NPAS3: variants seen among roughly 807,000 people sequenced by gnomAD.
The protein encoded by NPAS3 is neuronal PAS domain-containing protein 3.
NPAS3 carries 14 observed loss-of-function variants against 73.1 expected under a neutral mutation model. That is an observed-to-expected ratio of 0.19 (90% CI 0.13 to 0.30). The LOEUF (loss-of-function observed/expected upper bound fraction) is 0.30, where lower values mean the gene tolerates loss of function less well. Among genes scored for constraint, NPAS3 ranks in the 10% least tolerant of loss-of-function variants. The pLI is 1.00. For synonymous variants in NPAS3, 620 were observed against 541.5 expected, an observed-to-expected ratio of 1.14 and a Z score of -2.01; for missense variants, 1,096 against 1,250.0, an observed-to-expected ratio of 0.88 and a Z score of 1.86.
chr14:33,218,618 T>C (rs778732331), intron 3 of NPAS3, among the ~76,000 whole-genome samples: 1 of 152,208 alleles, frequency 6.6e-6, no homozygotes, highest in African/African-American at 2.4e-5. Context: ...TTCATGCTTC[T>C]CCAAGCAATC....
chr14:33,773,176 C>T (rs571243236), intron 7 of NPAS3, among the ~76,000 whole-genome samples: 54 of 152,310 alleles, frequency 3.5e-4, no homozygotes, highest in African/African-American at 1.2e-3. Flanking sequence ...AGGCACGAGA[C>T]CTACTTCCCA....
intron 5 of NPAS3, among the ~76,000 whole-genome samples, chr14:33,563,137 C>T (rs2055735243): frequency 6.6e-6 from 1 of 152,212 alleles, no homozygotes; most frequent in Non-Finnish European, 1.5e-5. Context: ...CAGTTTGTTA[C>T]AGAGCATAGC....
chr14:33,405,166 GCTCTCTGT>G (rs2047611737), intron 4 of NPAS3, among the ~76,000 whole-genome samples: 1 of 152,026 alleles, frequency 6.6e-6, no homozygotes, highest in African/African-American at 2.4e-5. Flanking sequence ...TGTTGCTGCA[GCTCTCTGT>G]CTTAGTTATC....
chr14:33,529,601 T>C (rs746530411), intron 4 of NPAS3, among the ~76,000 whole-genome samples: 15 of 152,110 alleles, frequency 9.9e-5, no homozygotes, highest in Non-Finnish European at 2.2e-4. Context: ...ATGGGCATCC[T>C]AAAGAGACAA....
chr14:32,982,418 A>T (rs1318779592), intron 1 of NPAS3, among the ~76,000 whole-genome samples: 3 of 152,152 alleles, frequency 2.0e-5, no homozygotes, highest in African/African-American at 7.2e-5. Flanking sequence ...TATCCCTTAC[A>T]ATAGTATCTT....
At chr14:32,962,614 C>T (rs2036980470) in intron 1 of NPAS3, among the ~76,000 whole-genome samples, 1 of 139,426 alleles carries the variant, frequency 7.2e-6, no homozygotes, top group Non-Finnish European at 1.5e-5. Flanking sequence ...CTCTGTCACC[C>T]AGGCTGGAGT....
intron 5 of NPAS3, among the ~76,000 whole-genome samples, chr14:33,673,318 T>C (rs181953141): frequency 6.6e-6 from 1 of 152,330 alleles, no homozygotes; most frequent in East Asian, 1.9e-4. Context: ...TCAGGTTCTT[T>C]TGTAAACTGG....
chr14:33,779,377 C>T (rs1403757066), intron 9 of NPAS3, among the ~76,000 whole-genome samples: 2 of 152,182 alleles, frequency 1.3e-5, no homozygotes, highest in African/African-American at 2.4e-5. Flanking sequence ...TGGTGGCCCT[C>T]TTCTGACCAG....
At chr14:33,727,222 G>A (rs1472378287) in intron 6 of NPAS3, among the ~76,000 whole-genome samples, 2 of 151,960 alleles carry the variant, frequency 1.3e-5, no homozygotes, top group Non-Finnish European at 2.9e-5. Context: ...TGGCCGCAGA[G>A]AAGATTCATG....
At chr14:32,954,462 T>C (rs570628325) in intron 1 of NPAS3, among the ~76,000 whole-genome samples, 41 of 152,298 alleles carry the variant, frequency 2.7e-4, no homozygotes, top group African/African-American at 9.9e-4. Flanking sequence ...TCATAGCTAG[T>C]AAAGTTTTGA....
chr14:33,701,533 C>A (rs112058090), intron 6 of NPAS3, among the ~76,000 whole-genome samples: 3 of 152,310 alleles, frequency 2.0e-5, no homozygotes, highest in African/African-American at 7.2e-5. Flanking sequence ...TAGAATCCTT[C>A]ATTAGTTTTT....
At chr14:32,950,949 G>A (rs1441839409) in intron 1 of NPAS3, among the ~76,000 whole-genome samples, 1 of 152,000 alleles carries the variant, frequency 6.6e-6, no homozygotes, top group Non-Finnish European at 1.5e-5. Context: ...ACAATGGGCA[G>A]GCAAAAAGCA....
intron 3 of NPAS3, among the ~76,000 whole-genome samples, chr14:33,303,737 C>T (rs1190204181): frequency 6.6e-6 from 1 of 152,144 alleles, no homozygotes; most frequent in Non-Finnish European, 1.5e-5. Context: ...GGAAGTGAAA[C>T]ATCTTATTGT....
chr14:33,210,329 A>G (rs1465711025), intron 2 of NPAS3, among the ~76,000 whole-genome samples: 1 of 152,150 alleles, frequency 6.6e-6, no homozygotes, highest in Non-Finnish European at 1.5e-5. Context: ...CAGTTTCATA[A>G]TATTTTCTTT....
intron 5 of NPAS3, among the ~76,000 whole-genome samples, chr14:33,582,370 G>A (rs1040631309): frequency 2.0e-5 from 3 of 152,204 alleles, no homozygotes; most frequent in African/African-American, 7.2e-5. Context: ...TTCCTGAAGA[G>A]CACGTGCCCA....
intron 2 of NPAS3, among the ~76,000 whole-genome samples, chr14:33,112,022 G>A (rs1191643686): frequency 1.3e-5 from 2 of 152,108 alleles, no homozygotes; most frequent in Admixed American, 6.5e-5. Flanking sequence ...TGGCTGCATA[G>A]TATTCCATGG....
chr14:33,274,923 G>A (rs970153773), intron 3 of NPAS3, among the ~76,000 whole-genome samples: 18 of 152,180 alleles, frequency 1.2e-4, no homozygotes, highest in African/African-American at 4.1e-4. Flanking sequence ...AGTTGGAGAA[G>A]CTAAAACAAT....
intron 4 of NPAS3, among the ~76,000 whole-genome samples, chr14:33,553,000 G>C (rs1367813324): frequency 1.3e-5 from 2 of 152,144 alleles, no homozygotes; most frequent in Admixed American, 6.6e-5. Flanking sequence ...TCCTCTCCTT[G>C]AGGCAAAAGG....
intron 7 of NPAS3, among the ~76,000 whole-genome samples, chr14:33,738,772 T>C (rs569750815): frequency 6.6e-6 from 1 of 152,320 alleles, no homozygotes; most frequent in East Asian, 1.9e-4. Context: ...TCCCTGTTGT[T>C]TAGGCCTCAC....
Sources: gnomAD v4.1 joint callset for allele counts (sites outside exome capture counted in the v4.1 genomes callset) on GRCh38, gnomAD v4.1.1 for gene constraint, MANE v1.5 for transcripts, NCBI Gene and HGNC (gene_info 2026-07-23, HGNC 2026-07-21) for gene names.